Variants in STRN4 observed in about 807,000 individuals in gnomAD.
STRN4 encodes the protein striatin 4.
In STRN4, 27 loss-of-function variants were observed where a neutral mutation model predicts 77.9. The observed-to-expected ratio is 0.35, with a 90% CI of 0.26 to 0.48. The LOEUF (loss-of-function observed/expected upper bound fraction) is 0.48. Among genes scored for constraint, STRN4 ranks in the 20% least tolerant of loss-of-function variants. The pLI, the probability that STRN4 is intolerant of heterozygous loss-of-function variation, is 0.99. For synonymous variants in STRN4, 466 were observed against 443.1 expected (o/e 1.05, Z -0.65); for missense variants, 798 against 1,049.7 (o/e 0.76, Z 3.31).
chr19:46,721,936 T>C, intron 16 of STRN4, 50 bp downstream of exon 16: 1 of 1,604,588 alleles, frequency 6.2e-7, no homozygotes, highest in Non-Finnish European at 8.5e-7. Flanking sequence ...TGCCCAGGCC[T>C]CTTCCTCCCC....
At chr19:46,746,100 G>A in intron 1 of STRN4, 49 bp downstream of exon 1, 4 of 1,425,082 alleles carry the variant, frequency 2.8e-6, no homozygotes, top group Admixed American at 2.8e-5. Flanking sequence ...GGTGAGGCCG[G>A]GCCGGGCCGG....
intron 1 of STRN4, 99 bp downstream of exon 1, chr19:46,746,050 C>A: frequency 8.1e-7 from 1 of 1,237,416 alleles, no homozygotes; most frequent in South Asian, 2.2e-5. Flanking sequence ...CCGGCCGTCC[C>A]GGCGGCCATT....
Position 46,723,435 on chromosome 19 carries a change from C to G in STRN4, c.1595-151G>C. The G allele has an allele frequency of 2.0e-6, 2 of 1,006,268 alleles. No homozygotes were observed. The highest frequency in any genetic ancestry group is 3.4e-5 in the South Asian group (2 of 58,078). The allele number at this position is 1,006,268 out of a possible 1,614,324, so 62.3% of individuals were successfully genotyped here. ...ACCTGGTGCCCCTCGGAACTGTCCACTGCCAGGACAGCCCGGCAGCTGCTC... is the reference window on the plus strand; with the variant it reads ...ACCTGGTGCCCCTCGGAACTGTCCAGTGCCAGGACAGCCCGGCAGCTGCTC... On this transcript the variant is annotated intron_variant, in intron 12 of 17. Transcript: ENST00000263280. This position sits in a 1 kb window ranked among gnomAD's most constrained non-coding sequence, Gnocchi z 5.5.
In STRN4 at chr19:46,746,257, C is replaced by T. The variant is rs773540769; in HGVS notation, c.174G>A (p.Ala58=). 7 of 1,493,862 alleles carry T rather than the reference C, an allele frequency of 4.7e-6. No homozygotes were observed. Among genetic ancestry groups the T allele is most frequent in the Admixed American group, 4.3e-5 (2 of 46,284 alleles). The allele number at this position is 1,493,862 out of a possible 1,614,324, so 92.5% of individuals were successfully genotyped here. A position where few individuals can be genotyped will look rare whatever the true frequency, so the allele number is the denominator to read the frequency against. The change falls in exon 1 of 18, where the codon GCG becomes GCA. Residue 58 remains alanine, a synonymous_variant. Coordinates refer to ENST00000263280, the MANE Select transcript of STRN4 (RefSeq NM_013403.3). ...GGGGGSPGPT[A]GPEPLSLPGI... ...CCGGCAGGCTCAGGGGCTCCGGGCC[C>T]GCCGTGGGCCCGGGGCTGCCTCCGC...
In STRN4 at chr19:46,723,346, CCA is replaced by C; in HGVS notation, c.1595-64_1595-63del. 1 of 1,480,294 alleles carries C rather than the reference CCA, an allele frequency of 6.8e-7. No homozygotes were observed. Among genetic ancestry groups the C allele is most frequent in the Middle Eastern group, 2.3e-4 (1 of 4,340 alleles). The allele number at this position is 1,480,294 out of a possible 1,614,324, so 91.7% of individuals were successfully genotyped here. A position where few individuals can be genotyped will look rare whatever the true frequency, so the allele number is the denominator to read the frequency against. The stretch of plus-strand genomic sequence containing the variant: ...GGCTGCCAGCTCCTCCCTGGACAGC[CCA>C]GAGCCCCAGCTCTGCCAAGCCCCAG... On this transcript the variant is annotated intron_variant, in intron 12 of 17. Transcript: ENST00000263280. This position sits in a 1 kb window ranked among gnomAD's most constrained non-coding sequence, Gnocchi z 5.5.
At chr19:46,736,603 A>T (rs922577350) in intron 4 of STRN4, among the ~76,000 whole-genome samples, 3 of 145,988 alleles carry the variant, frequency 2.1e-5, no homozygotes, top group African/African-American at 7.6e-5. Flanking sequence ...GACACATTCC[A>T]ACAGGGGTGT....
chr19:46,743,209 G>A (rs913073002), intron 1 of STRN4, among the ~76,000 whole-genome samples: 1 of 151,972 alleles, frequency 6.6e-6, no homozygotes, highest in African/African-American at 2.4e-5. Context: ...CGAAGAGAAG[G>A]AACTTTCCTT....
chr19:46,729,765 A>T (rs1396273793), intron 6 of STRN4, among the ~76,000 whole-genome samples: 6 of 152,232 alleles, frequency 3.9e-5, no homozygotes, highest in African/African-American at 7.2e-5. Context: ...GACAGCCACC[A>T]TGCAGCTGAG....
chr19:46,724,957 G>T, intron 11 of STRN4, 29 bp from the exon 12 acceptor site: 1 of 1,613,376 alleles, frequency 6.2e-7, no homozygotes, highest in South Asian at 1.1e-5. Context: ...TGGAAAGGGG[G>T]ATGAGACAAG....
rs1599885780 is a variant in STRN4, at chr19:46,736,141, G to A, written c.539+682C>T. On this transcript the variant is annotated intron_variant, in intron 4 of 17. Transcript: ENST00000263280. ...AATACAAAAATTAGCCGGGTGTGAT[G>A]GCACCTGCCTGTAATCCCAGCTACT... is the stretch of plus-strand genomic sequence containing the variant. The A allele has an allele frequency of 2.6e-5, 4 of 151,976 alleles. 1 individual carries two copies. The highest frequency in any genetic ancestry group is 9.7e-5 in the African/African-American group (4 of 41,428). 9.4% of individuals were successfully genotyped at this position (151,976 alleles called of 1,614,324 possible). A position where few individuals can be genotyped will look rare whatever the true frequency, so the allele number is the denominator to read the frequency against.
chr19:46,743,491 T>C (rs573035124), intron 1 of STRN4, among the ~76,000 whole-genome samples: 1 of 152,294 alleles, frequency 6.6e-6, no homozygotes, highest in Non-Finnish European at 1.5e-5. Context: ...GAGGCCAAGA[T>C]TCAGTCCAAG....
chr19:46,734,693 C>T (rs957116965), intron 4 of STRN4, among the ~76,000 whole-genome samples: 11 of 152,172 alleles, frequency 7.2e-5, no homozygotes, highest in African/African-American at 2.7e-4. Context: ...AAGACAGACT[C>T]TTGCTCTGTC....
intron 5 of STRN4, 145 bp from the exon 6 acceptor site, chr19:46,731,018 C>T: frequency 2.6e-6 from 3 of 1,144,092 alleles, no homozygotes; most frequent in Non-Finnish European, 2.4e-6. Context: ...TGGTCACACA[C>T]AGAGCCCCAA....
intron 17 of STRN4, 54 bp downstream of exon 17, chr19:46,720,482 G>T: frequency 8.4e-7 from 1 of 1,193,528 alleles, no homozygotes; most frequent in Non-Finnish European, 1.1e-6. Context: ...AGCACACCTG[G>T]CAGTACTAGG....
rs775135967 is a variant in STRN4 at position 46,724,843 on chromosome 19, T to C, written c.1558A>G (p.Ile520Val). ...TAGGGATCCATGCTGAGGTCTGGAA[T>C]CTTCCAACTATGGATGCAGGCATCT... The part of the protein sequence containing the change: ...GADACIHSWK[I>V]PDLSMDPYDG... The change falls in exon 12 of 18, where the codon ATT becomes GTT. Residue 520 changes from isoleucine to valine, a missense_variant. Physicochemically the swap from Ile to Val is conservative, Grantham distance 29. Transcript: ENST00000263280. 2 of 1,613,910 alleles carry C rather than the reference T, an allele frequency of 1.2e-6. No homozygotes were observed. The highest frequency in any genetic ancestry group is 8.5e-7 in the Non-Finnish European group (1 of 1,180,024).
In STRN4 at chr19:46,728,488, C is replaced by T. The variant is rs551269490; in HGVS notation, c.1039+130G>A. The T allele has an allele frequency of 2.4e-3, 3,018 of 1,279,754 alleles. 6 individuals are homozygous for T. The highest frequency in any genetic ancestry group is 2.9e-3 in the Non-Finnish European group (2,786 of 956,014). The allele number at this position is 1,279,754 out of a possible 1,614,324, so 79.3% of individuals were successfully genotyped here. On this transcript the variant is annotated intron_variant, in intron 7 of 17. Transcript: ENST00000263280. The stretch of plus-strand genomic sequence containing the variant: ...CTGGGCCTCCTGCTCTCCTTGGCTA[C>T]CCTCCTCTCAGGAAACATATCCGTC...
intron 11 of STRN4, 112 bp downstream of exon 11, chr19:46,725,220 G>GC (rs202050492): frequency 0.018 from 26,707 of 1,447,416 alleles, 317 homozygotes; most frequent in Non-Finnish European, 0.022. Flanking sequence ...GGGACTCAGA[G>GC]CCCCCTGCTG....
At position 46,720,126 on chromosome 19, in the gene STRN4, C is replaced by G. The variant is rs746753362; in HGVS notation, c.*279G>C. The G allele has an allele frequency of 6.5e-6, 1 of 153,624 alleles. No individual in the cohort carries two copies. Among genetic ancestry groups the G allele is most frequent in the Admixed American group, 6.5e-5 (1 of 15,304 alleles). 9.5% of individuals were successfully genotyped at this position (153,624 alleles called of 1,614,324 possible). On this transcript the variant is annotated 3_prime_UTR_variant, in exon 18 of 18. Coordinates refer to ENST00000263280, the MANE Select transcript of STRN4 (RefSeq NM_013403.3). ...GGCTGTGCTGCCCTCTGGAAAGCAGCTCTGATACCAGGAGCGGCTGTCAGG... is the reference window on the plus strand; with the variant it reads ...GGCTGTGCTGCCCTCTGGAAAGCAGGTCTGATACCAGGAGCGGCTGTCAGG...
In STRN4 at chr19:46,722,967, G is replaced by C; in HGVS notation, c.1766-17C>G. The C allele has an allele frequency of 6.2e-7, 1 of 1,613,334 alleles. No homozygotes were observed. Among genetic ancestry groups the C allele is most frequent in the Middle Eastern group, 1.7e-4 (1 of 6,058 alleles). On this transcript the variant is annotated splice_polypyrimidine_tract_variant and intron_variant, in intron 13 of 17. Coordinates refer to ENST00000263280, the MANE Select transcript of STRN4 (RefSeq NM_013403.3). ...CCCCGTGCTCTGAGGGCACAGGGAA[G>C]AGAAGGCTGCTGAATGGACCCTCAG... is the stretch of plus-strand genomic sequence containing the variant.
Sources: allele counts gnomAD v4.1 joint callset (sites outside exome capture counted in the v4.1 genomes callset), GRCh38; gene constraint gnomAD v4.1.1; non-coding constraint Gnocchi (gnomAD v3.1); transcripts MANE v1.5; gene names NCBI Gene and HGNC (gene_info 2026-07-23, HGNC 2026-07-21).